Variants in FTO observed in about 807,000 individuals in gnomAD.
FTO encodes alpha-ketoglutarate-dependent dioxygenase FTO.
Under a neutral mutation model 63.9 loss-of-function variants are expected in FTO, and 47 were observed. The observed-to-expected ratio is 0.74, with a 90% CI of 0.58 to 0.94. The LOEUF (loss-of-function observed/expected upper bound fraction) is 0.94, where lower values mean the gene tolerates loss of function less well. FTO is among the 40% of genes least tolerant of loss of function. FTO has a pLI of 0.00. For missense variants in FTO, 562 were observed against 618.1 expected (o/e 0.91, Z 0.96); for synonymous variants, 207 against 224.4 (o/e 0.92, Z 0.69).
intron 8 of FTO, among the ~76,000 whole-genome samples, chr16:54,007,082 C>T (rs554169845): frequency 4.6e-5 from 7 of 152,016 alleles, no homozygotes; most frequent in Non-Finnish European, 8.8e-5. Context: ...TAGTGAAATA[C>T]AAAGGAAATA....
chr16:54,094,337 C>A (rs1599357166), intron 8 of FTO, among the ~76,000 whole-genome samples: 4 of 152,172 alleles, frequency 2.6e-5, no homozygotes, highest in Admixed American at 2.6e-4. Context: ...GGGCTTTATT[C>A]AGTGGCGGCA....
At chr16:54,017,577 T>A (rs6499667) in intron 8 of FTO, among the ~76,000 whole-genome samples, 79,730 of 152,064 alleles carry the variant, frequency 0.52, 23,419 homozygotes, top group African/African-American at 0.79. Flanking sequence ...ATTTTCTTTC[T>A]TATTTAGAAA....
chr16:54,048,090 T>C, intron 8 of FTO, among the ~76,000 whole-genome samples: 1 of 72,052 alleles, frequency 1.4e-5, no homozygotes, highest in Non-Finnish European at 2.2e-5. Flanking sequence ...TGTGCACATG[T>C]ACCCTAAAAC....
chr16:53,985,058 G>C (rs1358835995), intron 8 of FTO: 2 of 449,738 alleles, frequency 4.4e-6, no homozygotes, highest in Non-Finnish European at 8.9e-6. Context: ...TCTGGCAAGA[G>C]TGGTACAAGG....
At chr16:53,950,181 T>TAAAAAAAAAAAAAAAAAAAAAAAAAAAAA in intron 8 of FTO, among the ~76,000 whole-genome samples, 1 of 48,090 alleles carries the variant, frequency 2.1e-5, no homozygotes, top group South Asian at 7.4e-4. Flanking sequence ...AAAAAAAAAC[T>TAAAAAAAAAAAAAAAAAAAAAAAAAAAAA]TAATCCATGC....
At chr16:53,926,509 C>G (rs1202331989) in intron 7 of FTO, among the ~76,000 whole-genome samples, 1 of 152,162 alleles carries the variant, frequency 6.6e-6, no homozygotes, top group Non-Finnish European at 1.5e-5. Flanking sequence ...TCTAATGGAG[C>G]CCACACTCTG....
At chr16:53,811,263 C>T (rs1188754082) in intron 2 of FTO, among the ~76,000 whole-genome samples, 3 of 152,188 alleles carry the variant, frequency 2.0e-5, no homozygotes, top group Admixed American at 2.0e-4. Flanking sequence ...AAATTTTCAC[C>T]TCTTTTTTCC....
At chr16:53,760,330 C>T (rs988421078) in intron 1 of FTO, among the ~76,000 whole-genome samples, 10 of 151,468 alleles carry the variant, frequency 6.6e-5, no homozygotes, top group African/African-American at 2.4e-4. Flanking sequence ...TCACTGCAGC[C>T]TTGACCTCTG....
intron 8 of FTO, among the ~76,000 whole-genome samples, chr16:53,936,103 G>A (rs527319179): frequency 5.3e-4 from 81 of 152,296 alleles, no homozygotes; most frequent in African/African-American, 1.6e-3. Flanking sequence ...CTGTTTAAAA[G>A]GAATCTGCTT....
intron 8 of FTO, among the ~76,000 whole-genome samples, chr16:53,956,510 T>C (rs2143584412): frequency 6.6e-6 from 1 of 152,182 alleles, no homozygotes; most frequent in East Asian, 1.9e-4. Context: ...TTCCTTACCT[T>C]GTAAGGTTCA....
intron 4 of FTO, among the ~76,000 whole-genome samples, chr16:53,862,702 A>AT (rs968575884): frequency 6.7e-4 from 99 of 147,538 alleles, no homozygotes; most frequent in Middle Eastern, 3.4e-3. Context: ...CACCCAGCTA[A>AT]TTTTTTTTTT....
chr16:53,930,838 A>G (rs1165680214), intron 7 of FTO, among the ~76,000 whole-genome samples: 2 of 152,224 alleles, frequency 1.3e-5, no homozygotes, highest in East Asian at 1.9e-4. Flanking sequence ...AAAGCACATA[A>G]CTATTTCTTA....
At chr16:53,877,749 TC>T (rs1276403002) in intron 5 of FTO, among the ~76,000 whole-genome samples, 2 of 151,790 alleles carry the variant, frequency 1.3e-5, no homozygotes, top group Non-Finnish European at 2.9e-5. Flanking sequence ...AAAACCTATC[TC>T]AAACTAGGCC....
chr16:53,897,686 A>G (rs1003059813), intron 7 of FTO, among the ~76,000 whole-genome samples: 2 of 152,182 alleles, frequency 1.3e-5, no homozygotes, highest in Non-Finnish European at 1.5e-5. Context: ...CTTGTAATAC[A>G]TTAATATGTT....
At position 53,776,267 on chromosome 16, in the gene FTO, A is replaced by C. The variant is rs115850285; in HGVS notation, c.46-33873A>C. Among the ~76,000 whole-genome samples, 240 of 152,324 alleles carry C rather than the reference A, an allele frequency of 1.6e-3. 1 individual carries two copies. The highest frequency in any genetic ancestry group is 5.5e-3 in the African/African-American group (227 of 41,580). On this transcript the variant is annotated intron_variant, in intron 1 of 8. Transcript: ENST00000471389. ...TTTGCTGAAGTGTGTGTTGTGAAAT[A>C]GCAATGGAATTTGTCTGTGGTTTCT...
At chr16:53,903,214 CA>C (rs1337986365) in intron 7 of FTO, among the ~76,000 whole-genome samples, 6 of 152,100 alleles carry the variant, frequency 3.9e-5, no homozygotes, top group Admixed American at 1.3e-4. Context: ...AAGAGGCTAG[CA>C]CTATTCTTAG....
intron 5 of FTO, among the ~76,000 whole-genome samples, chr16:53,877,968 G>T (rs113228028): frequency 6.6e-6 from 1 of 152,190 alleles, no homozygotes; most frequent in Non-Finnish European, 1.5e-5. Flanking sequence ...AAGTAAAGGT[G>T]CAAGTAGGGA....
chr16:53,714,481 G>A (rs1036060572), intron 1 of FTO, among the ~76,000 whole-genome samples: 4 of 152,074 alleles, frequency 2.6e-5, no homozygotes, highest in African/African-American at 9.7e-5. Context: ...AACAAAGATG[G>A]AAAATTCTGC....
chr16:54,001,462 C>T (rs1280447223), intron 8 of FTO, among the ~76,000 whole-genome samples: 2 of 152,124 alleles, frequency 1.3e-5, no homozygotes, highest in Non-Finnish European at 2.9e-5. Flanking sequence ...AAGGAAACTA[C>T]TTCCTTTGGT....
Sources: gnomAD v4.1 joint callset for allele counts (sites outside exome capture counted in the v4.1 genomes callset) on GRCh38, gnomAD v4.1.1 for gene constraint, MANE v1.5 for transcripts, NCBI Gene and HGNC (gene_info 2026-07-23, HGNC 2026-07-21) for gene names.